The following ULK4 variants were observed in gnomAD, a reference collection of about 807,000 sequenced individuals.
ULK4 encodes unc-51 like kinase 4, also known as inactive serine/threonine-protein kinase ULK4.
In ULK4, 133 loss-of-function variants were observed where a neutral mutation model predicts 160.6. The observed-to-expected ratio is 0.83, with a 90% CI of 0.72 to 0.96. The LOEUF is 0.96. Among genes scored for constraint, ULK4 ranks in the 40% least tolerant of loss-of-function variants. The probability of loss-of-function intolerance (pLI) is 0.00; values close to 1 mark genes in which losing one functional copy is unlikely to be tolerated. For synonymous variants in ULK4, 534 were observed against 539.8 expected, an observed-to-expected ratio of 0.99 and a Z score of 0.15; for missense variants, 1,580 against 1,499.5, an observed-to-expected ratio of 1.05 and a Z score of -0.89.
At chr3:41,687,662 T>G (rs1304592191) in intron 27 of ULK4, among the ~76,000 whole-genome samples, 4 of 152,164 alleles carry the variant, frequency 2.6e-5, no homozygotes. Context: ...CTGTACAATA[T>G]TTCTAGCCAA....
chr3:41,402,122 GA>G (rs2125818922), intron 34 of ULK4, among the ~76,000 whole-genome samples: 1 of 152,166 alleles, frequency 6.6e-6, no homozygotes, highest in South Asian at 2.1e-4. Context: ...AAATAAAATT[GA>G]TTTTTTACTG....
At chr3:41,440,043 T>C (rs1238043244) in intron 34 of ULK4, among the ~76,000 whole-genome samples, 3 of 152,224 alleles carry the variant, frequency 2.0e-5, no homozygotes, top group Non-Finnish European at 4.4e-5. Flanking sequence ...TGCATATTGA[T>C]TTTGTTTACT....
At chr3:41,704,529 A>G (rs1324737778) in intron 27 of ULK4, among the ~76,000 whole-genome samples, 7 of 152,150 alleles carry the variant, frequency 4.6e-5, no homozygotes, top group Non-Finnish European at 1.0e-4. Context: ...CAAGCAGCTC[A>G]CCTAAGGATC....
chr3:41,395,983 T>C (rs1017521047), intron 35 of ULK4, among the ~76,000 whole-genome samples: 1 of 152,204 alleles, frequency 6.6e-6, no homozygotes, highest in African/African-American at 2.4e-5. Flanking sequence ...TAGAATCTGT[T>C]GATTTTGACC....
chr3:41,706,987 A>G (rs1308322109), intron 25 of ULK4, among the ~76,000 whole-genome samples: 1 of 151,622 alleles, frequency 6.6e-6, no homozygotes, highest in Non-Finnish European at 1.5e-5. Context: ...CCTTAAACCC[A>G]CTACTCAAGT....
chr3:41,781,800 G>A (rs1458690897), intron 21 of ULK4, among the ~76,000 whole-genome samples: 7 of 151,972 alleles, frequency 4.6e-5, no homozygotes, highest in East Asian at 1.9e-4. Context: ...TCAGCTAGGC[G>A]TGGTGCCAGG....
At chr3:41,804,718 A>G (rs1270143887) in intron 19 of ULK4, among the ~76,000 whole-genome samples, 4 of 152,148 alleles carry the variant, frequency 2.6e-5, no homozygotes, top group African/African-American at 9.7e-5. Flanking sequence ...CAGTTTTCCC[A>G]GCATCATTTA....
chr3:41,700,109 C>T (rs866853583), intron 27 of ULK4, among the ~76,000 whole-genome samples: 24 of 152,234 alleles, frequency 1.6e-4, no homozygotes, highest in Middle Eastern at 6.8e-3. Flanking sequence ...ATAGTGGGTA[C>T]TGTTACTTGG....
intron 35 of ULK4, among the ~76,000 whole-genome samples, chr3:41,319,401 T>C (rs1486657000): frequency 6.6e-6 from 1 of 152,230 alleles, no homozygotes; most frequent in Non-Finnish European, 1.5e-5. Context: ...TCCATGATTA[T>C]CTGATTATCA....
At chr3:41,824,915 A>G (rs1575774506) in intron 18 of ULK4, among the ~76,000 whole-genome samples, 1 of 152,192 alleles carries the variant, frequency 6.6e-6, no homozygotes, top group African/African-American at 2.4e-5. Flanking sequence ...AGGCACCCCC[A>G]GTAGGGGCAG....
chr3:41,946,859 G>T (rs921124812), intron 2 of ULK4, among the ~76,000 whole-genome samples: 4 of 152,118 alleles, frequency 2.6e-5, no homozygotes, highest in Admixed American at 1.3e-4. Flanking sequence ...AAAGCTTCTT[G>T]TCTGAAAATT....
At chr3:41,363,190 C>A (rs1407227592) in intron 35 of ULK4, among the ~76,000 whole-genome samples, 1 of 152,234 alleles carries the variant, frequency 6.6e-6, no homozygotes, top group Admixed American at 6.5e-5. Flanking sequence ...CCGGGGGGCA[C>A]ATAGAGATGC....
chr3:41,306,808 C>T (rs1322589488), intron 35 of ULK4, among the ~76,000 whole-genome samples: 9 of 151,720 alleles, frequency 5.9e-5, no homozygotes, highest in African/African-American at 2.2e-4. Context: ...ACTAAGAAAA[C>T]TTCTTCTGCC....
At chr3:41,675,462 T>C (rs533869728) in intron 29 of ULK4, among the ~76,000 whole-genome samples, 168 of 150,400 alleles carry the variant, frequency 1.1e-3, no homozygotes, top group African/African-American at 3.8e-3. Flanking sequence ...TGGTGGTACA[T>C]GCCTGCAGTC....
intron 35 of ULK4, among the ~76,000 whole-genome samples, chr3:41,395,368 G>A (rs570507921): frequency 6.6e-6 from 1 of 151,956 alleles, no homozygotes. Flanking sequence ...CAGAAAAGGT[G>A]GAACAACACA....
chr3:41,426,554 A>T (rs889698279), intron 34 of ULK4, among the ~76,000 whole-genome samples: 1 of 152,172 alleles, frequency 6.6e-6, no homozygotes, highest in African/African-American at 2.4e-5. Context: ...AAAAGAACTG[A>T]AATTACACCA....
chr3:41,780,340 C>A (rs1355073143), intron 21 of ULK4, among the ~76,000 whole-genome samples: 1 of 151,722 alleles, frequency 6.6e-6, no homozygotes, highest in Non-Finnish European at 1.5e-5. Context: ...ATGGTGTATG[C>A]TATCTTTTAT....
intron 25 of ULK4, among the ~76,000 whole-genome samples, chr3:41,706,849 A>ATGTGTGTGTGTGTGTGTGTGTG (rs749756575): frequency 9.8e-5 from 10 of 102,372 alleles, no homozygotes; most frequent in African/African-American, 5.1e-4. Context: ...AAAAAAAAAT[A>ATGTGTGTGTGTGTGTGTGTGTG]TGTGTGTGTG....
At position 41,876,836 on chromosome 3, in the gene ULK4, A is replaced by G. The variant is rs911829458; in HGVS notation, c.1656+7038T>C. ...TCATGACAGAATTGGAAGTTACGGTAACTTCCTTTGGCACAAAGGGAGAGA... is the reference window on the plus strand; with the variant it reads ...TCATGACAGAATTGGAAGTTACGGTGACTTCCTTTGGCACAAAGGGAGAGA... On this transcript the variant is annotated intron_variant, in intron 17 of 36. Coordinates refer to ENST00000301831, the MANE Select transcript of ULK4 (RefSeq NM_017886.4). Among the ~76,000 whole-genome samples, 8 of 152,338 alleles carry G rather than the reference A, an allele frequency of 5.3e-5. 1 individual carries two copies. Among genetic ancestry groups the G allele is most frequent in the African/African-American group, 9.6e-5 (4 of 41,588 alleles).
Sources: gnomAD v4.1 joint callset for allele counts (sites outside exome capture counted in the v4.1 genomes callset) on GRCh38, gnomAD v4.1.1 for gene constraint, MANE v1.5 for transcripts, NCBI Gene and HGNC (gene_info 2026-07-23, HGNC 2026-07-21) for gene names.